PCOLCE2: variants seen among roughly 807,000 people sequenced by gnomAD.
The protein encoded by PCOLCE2 is procollagen C-proteinase enhancer 2.
Under a neutral mutation model 47.0 loss-of-function variants are expected in PCOLCE2, and 42 were observed. That is an observed-to-expected ratio of 0.89 (90% CI 0.70 to 1.16). The LOEUF (loss-of-function observed/expected upper bound fraction) is 1.16. Among genes scored for constraint, PCOLCE2 ranks in the 50% most tolerant of loss-of-function variants. The pLI is 0.00. For missense variants in PCOLCE2, 500 were observed against 526.1 expected (o/e 0.95, Z 0.49); for synonymous variants, 169 against 191.7 (o/e 0.88, Z 0.98).
intron 6 of PCOLCE2, chr3:142,827,215 G>C: frequency 1.6e-6 from 2 of 1,243,876 alleles, no homozygotes; most frequent in Non-Finnish European, 2.3e-6. Flanking sequence ...GGATGCCGAT[G>C]TGCTGGTGGT....
chr3:142,827,554 G>T, intron 6 of PCOLCE2: 2 of 1,475,246 alleles, frequency 1.4e-6, no homozygotes, highest in Non-Finnish European at 1.9e-6. Flanking sequence ...CAGGCATGGT[G>T]CCCACAGGGA....
chr3:142,820,145 C>T (rs1936996754), intron 8 of PCOLCE2, among the ~76,000 whole-genome samples: 1 of 151,346 alleles, frequency 6.6e-6, no homozygotes, highest in Non-Finnish European at 1.5e-5. Context: ...CTCACTACAT[C>T]ACCCAGCCTG....
Position 142,848,364 on chromosome 3 carries a change from G to A in PCOLCE2, c.301C>T (p.Gln101Ter), listed in dbSNP as rs1937351558. 6.2e-7 allele frequency: 1 copy of A among 1,614,070 alleles called. No homozygotes were observed. The highest frequency in any genetic ancestry group is 1.7e-5 in the Admixed American group (1 of 60,008). The stretch of plus-strand genomic sequence containing the variant: ...GTGCCACAGAAGCGGCCAATGCGCT[G>A]GCCATTGGCATGGCCATTGTACACA... Reference protein sequence around the residue: ...VDVYNGHANGQRIGRFCGTFR... With the variant: ...VDVYNGHANG The change falls in exon 3 of 9, where the codon CAG (glutamine) becomes TAG (stop). Residue 101 changes from glutamine to a stop codon, truncating the protein, a stop_gained. Transcript: ENST00000295992. LOFTEE classifies it high-confidence loss of function.
chr3:142,853,373 C>T (rs1472775126), intron 2 of PCOLCE2, among the ~76,000 whole-genome samples: 1 of 152,116 alleles, frequency 6.6e-6, no homozygotes, highest in Non-Finnish European at 1.5e-5. Flanking sequence ...AGCAGTGCTC[C>T]CCTCAGGTCT....
At position 142,820,929 on chromosome 3, in the gene PCOLCE2, T is replaced by C; in HGVS notation, c.1066A>G (p.Met356Val). 7 of 1,614,178 alleles carry C rather than the reference T, an allele frequency of 4.3e-6. No homozygotes were observed. The highest frequency in any genetic ancestry group is 5.9e-6 in the Non-Finnish European group (7 of 1,180,026). The change falls in exon 8 of 9, where the codon ATG (methionine) becomes GTG (valine). Residue 356 changes from methionine to valine, a missense_variant. Met to Val is a conservative substitution (Grantham distance 21, BLOSUM62 1). Coordinates refer to ENST00000295992, the MANE Select transcript of PCOLCE2 (RefSeq NM_013363.4). ...CAGACGACAGTCAGCCTGGCACTCATGTTCTTGCCCGCCTGCTGAATCGCC... is the reference window on the plus strand; with the variant it reads ...CAGACGACAGTCAGCCTGGCACTCACGTTCTTGCCCGCCTGCTGAATCGCC... ...NLAIQQAGKN[M>V]SARLTVVCKQ...
intron 2 of PCOLCE2, among the ~76,000 whole-genome samples, chr3:142,877,417 T>C (rs528480909): frequency 6.6e-6 from 1 of 152,340 alleles, no homozygotes; most frequent in East Asian, 1.9e-4. Flanking sequence ...AGTTGGCTTG[T>C]AGACAAGTTC....
At chr3:142,863,813 C>T (rs1348593672) in intron 2 of PCOLCE2, 2 of 152,060 alleles carry the variant, frequency 1.3e-5, no homozygotes. Flanking sequence ...CCACCAAACA[C>T]AAAGCTTTTT....
rs1453282168 is a variant in PCOLCE2 at position 142,842,706 on chromosome 3, T to C, written c.573+218A>G. On this transcript the variant is annotated intron_variant, in intron 4 of 8. Coordinates refer to ENST00000295992, the MANE Select transcript of PCOLCE2 (RefSeq NM_013363.4). The surrounding 1 kb of genome is among the most constrained non-coding windows in gnomAD (Gnocchi z 4.1). ...GTGAGCTGAGATCGCACCATTGCACTCCAGACAGGGCGACAAGAGCGAAAC... is the reference window on the plus strand; with the variant it reads ...GTGAGCTGAGATCGCACCATTGCACCCCAGACAGGGCGACAAGAGCGAAAC... 6.7e-6 allele frequency among the ~76,000 whole-genome samples: 1 copy of C among 149,220 alleles called. No individual in the cohort carries two copies. Among genetic ancestry groups the C allele is most frequent in the Non-Finnish European group, 1.5e-5 (1 of 67,674 alleles).
chr3:142,869,659 T>C (rs890349971), intron 2 of PCOLCE2, among the ~76,000 whole-genome samples: 2 of 152,242 alleles, frequency 1.3e-5, no homozygotes, highest in East Asian at 1.9e-4. Context: ...CAGACACTTC[T>C]TTCTATTGAT....
chr3:142,827,952 ACC>A (rs1175790098), intron 6 of PCOLCE2, among the ~76,000 whole-genome samples: 1 of 151,942 alleles, frequency 6.6e-6, no homozygotes, highest in Non-Finnish European at 1.5e-5. Context: ...CCTGACACCT[ACC>A]TCCCTGACCT....
In PCOLCE2 at chr3:142,818,455, G is replaced by A; in HGVS notation, c.1128C>T (p.Tyr376=). 1 of 1,610,724 alleles carries A rather than the reference G, an allele frequency of 6.2e-7. No individual in the cohort carries two copies. The highest frequency in any genetic ancestry group is 8.5e-7 in the Non-Finnish European group (1 of 1,177,182). The change falls in exon 9 of 9, where the codon TAC becomes TAT. Residue 376 remains tyrosine, a synonymous_variant. Transcript: ENST00000295992. ...CTTCACCTACTTGGCCCATAATAAT[G>A]TAATTTAGACCTAAAGAAAGAGAAT... The part of the protein sequence containing the change: ...QCPLLRRGLN[Y]IIMGQVGEDG...
chr3:142,857,084 T>C (rs144015175), intron 2 of PCOLCE2, among the ~76,000 whole-genome samples: 4 of 152,280 alleles, frequency 2.6e-5, no homozygotes, highest in African/African-American at 9.6e-5. Flanking sequence ...TCCCAATCTA[T>C]CGTATGTGTG....
intron 2 of PCOLCE2, among the ~76,000 whole-genome samples, chr3:142,850,207 T>A (rs1464470706): frequency 6.6e-6 from 1 of 152,232 alleles, no homozygotes; most frequent in Non-Finnish European, 1.5e-5. Flanking sequence ...ATTTGTACAA[T>A]AATCAGAAAG....
chr3:142,820,160 C>A (rs893128742), intron 8 of PCOLCE2, among the ~76,000 whole-genome samples: 1 of 151,536 alleles, frequency 6.6e-6, no homozygotes, highest in East Asian at 1.9e-4. Flanking sequence ...AGCCTGATCT[C>A]GAACTTCTGG....
At chr3:142,843,272 G>A (rs1391942881) in intron 3 of PCOLCE2, 2 of 617,992 alleles carry the variant, frequency 3.2e-6, no homozygotes, top group Non-Finnish European at 6.0e-6. Flanking sequence ...CACGAGAGAG[G>A]GGAGAAGTGG....
intron 2 of PCOLCE2, among the ~76,000 whole-genome samples, chr3:142,875,607 C>G (rs956382943): frequency 3.9e-5 from 6 of 152,024 alleles, no homozygotes; most frequent in African/African-American, 1.4e-4. Context: ...CTGAACAGAC[C>G]GATGAAGAGG....
intron 2 of PCOLCE2, among the ~76,000 whole-genome samples, chr3:142,885,684 T>G (rs112427021): frequency 2.5e-4 from 38 of 152,290 alleles, no homozygotes; most frequent in Middle Eastern, 3.4e-3. Flanking sequence ...CCATCTTCCC[T>G]CTCCTGGATA....
intron 2 of PCOLCE2, among the ~76,000 whole-genome samples, chr3:142,870,492 A>G (rs75489481): frequency 0.07 from 10,673 of 152,230 alleles, 410 homozygotes; most frequent in African/African-American, 0.1. Context: ...ATCAAGCGTT[A>G]GGAAGACTCC....
In PCOLCE2 at chr3:142,846,465, G is replaced by C. The variant is rs990453783; in HGVS notation, c.448+1752C>G. Among the ~76,000 whole-genome samples the C allele has an allele frequency of 1.7e-4, 26 of 152,228 alleles. 1 individual carries two copies. On this transcript the variant is annotated intron_variant, in intron 3 of 8. Coordinates refer to ENST00000295992, the MANE Select transcript of PCOLCE2 (RefSeq NM_013363.4). The stretch of plus-strand genomic sequence containing the variant: ...TCTGCCTGCCTTGGCCTCCCAAAGT[G>C]CTGGGATTACAGGCATGAGCCACTA...
Sources: allele counts gnomAD v4.1 joint callset (sites outside exome capture counted in the v4.1 genomes callset), GRCh38; gene constraint gnomAD v4.1.1; non-coding constraint Gnocchi (gnomAD v3.1); transcripts MANE v1.5; gene names NCBI Gene and HGNC (gene_info 2026-07-23, HGNC 2026-07-21).